ARID5B: variants seen among roughly 807,000 people sequenced by gnomAD.
ARID5B encodes AT-rich interaction domain 5B.
A neutral mutation model predicts 97.2 loss-of-function variants in ARID5B; 13 were observed. The observed-to-expected ratio is 0.13, with a 90% confidence interval of 0.09 to 0.21. The LOEUF is 0.21. ARID5B is among the 10% of genes least tolerant of loss of function. ARID5B has a pLI of 1.00. For synonymous variants in ARID5B, 556 were observed against 570.3 expected, an observed-to-expected ratio of 0.97 and a Z score of 0.36; for missense variants, 1,210 against 1,465.3, an observed-to-expected ratio of 0.83 and a Z score of 2.84.
chr10:62,096,036 T>TA lies in ARID5B; in HGVS notation c.*3013dup, dbSNP rs1262909686. 4.3e-6 allele frequency: 1 copy of TA among 233,046 alleles called. No individual in the cohort carries two copies. The highest frequency in any genetic ancestry group is 6.0e-5 in the East Asian group (1 of 16,540). The allele number at this position is 233,046 out of a possible 1,614,324, so 14.4% of individuals were successfully genotyped here. ...TTTAATGTTTGGCAACTCCACATGA[T>TA]AAAAAAATAAAAACAGCCCAACCGA... On this transcript the variant is annotated 3_prime_UTR_variant, in exon 10 of 10. Transcript: ENST00000279873.
intron 4 of ARID5B, among the ~76,000 whole-genome samples, chr10:62,026,181 A>G (rs1341084127): frequency 2.6e-5 from 4 of 152,216 alleles, no homozygotes; most frequent in Non-Finnish European, 5.9e-5. Flanking sequence ...ACACAACCAT[A>G]TGAAACAACT....
At chr10:61,945,364 A>G (rs777386775) in intron 3 of ARID5B, among the ~76,000 whole-genome samples, 1 of 152,180 alleles carries the variant, frequency 6.6e-6, no homozygotes, top group Non-Finnish European at 1.5e-5. Flanking sequence ...ATACAATGAG[A>G]TTTTCAAATG....
At chr10:62,089,320 G>C (rs1840335350) in intron 9 of ARID5B, among the ~76,000 whole-genome samples, 1 of 151,744 alleles carries the variant, frequency 6.6e-6, no homozygotes, top group East Asian at 1.9e-4. Context: ...TAAAATTCAG[G>C]GTTTTTTTTT....
intron 3 of ARID5B, among the ~76,000 whole-genome samples, chr10:61,964,242 G>A (rs894579125): frequency 2.0e-5 from 3 of 152,088 alleles, no homozygotes; most frequent in African/African-American, 2.4e-5. Flanking sequence ...AACTCCCAAG[G>A]GAAGACCAGA....
At chr10:62,047,921 T>C (rs1839732305) in intron 4 of ARID5B, among the ~76,000 whole-genome samples, 1 of 152,170 alleles carries the variant, frequency 6.6e-6, no homozygotes, top group South Asian at 2.1e-4. Flanking sequence ...CCCAGTCCTT[T>C]GTGTTCCATT....
At chr10:61,989,532 TTAAC>T (rs1298831171) in intron 3 of ARID5B, among the ~76,000 whole-genome samples, 2 of 152,230 alleles carry the variant, frequency 1.3e-5, no homozygotes, top group Non-Finnish European at 2.9e-5. Context: ...AAGATGGTGA[TTAAC>T]TATAATTAGA....
At chr10:62,005,337 A>G (rs1839132907) in intron 4 of ARID5B, among the ~76,000 whole-genome samples, 1 of 152,234 alleles carries the variant, frequency 6.6e-6, no homozygotes, top group African/African-American at 2.4e-5. Flanking sequence ...GGGTAATAAC[A>G]GCCAACTTGC....
At chr10:61,970,272 T>C (rs1420308933) in intron 3 of ARID5B, among the ~76,000 whole-genome samples, 4 of 152,366 alleles carry the variant, frequency 2.6e-5, no homozygotes, top group Middle Eastern at 3.4e-3. Flanking sequence ...ATAATTGTTT[T>C]TCCCTGCTGT....
chr10:62,059,622 C>T (rs1839897901), intron 7 of ARID5B, among the ~76,000 whole-genome samples: 1 of 152,154 alleles, frequency 6.6e-6, no homozygotes, highest in Non-Finnish European at 1.5e-5. Context: ...AGAAATTTCC[C>T]TTGGCAACAT....
At chr10:61,940,125 T>G in intron 2 of ARID5B, 58 bp from the exon 3 acceptor site, 1 of 1,526,926 alleles carries the variant, frequency 6.5e-7, no homozygotes, top group Non-Finnish European at 9.1e-7. Context: ...GGAGAGTGGA[T>G]CATTTCCCTC....
rs568386173 is a variant in ARID5B at position 62,038,219 on chromosome 10, A to C, written c.734-12669A>C. The stretch of plus-strand genomic sequence containing the variant: ...TTTAAATGGTGTTTTTAAAAGATAA[A>C]TACCCAATTGGGTAACTGACTATTA... On this transcript the variant is annotated intron_variant, in intron 4 of 9. Transcript: ENST00000279873. 6.6e-4 allele frequency among the ~76,000 whole-genome samples: 100 copies of C among 152,294 alleles called. 1 individual carries two copies. Among genetic ancestry groups the C allele is most frequent in the Middle Eastern group, 3.4e-3 (1 of 294 alleles).
At chr10:61,966,593 T>G (rs1838548790) in intron 3 of ARID5B, among the ~76,000 whole-genome samples, 1 of 152,180 alleles carries the variant, frequency 6.6e-6, no homozygotes, top group African/African-American at 2.4e-5. Flanking sequence ...ATACCCTGGC[T>G]TTACCACATT....
intron 8 of ARID5B, among the ~76,000 whole-genome samples, chr10:62,075,637 A>AG (rs1276545838): frequency 1.5e-4 from 23 of 152,284 alleles, no homozygotes; most frequent in Non-Finnish European, 3.2e-4. Flanking sequence ...CTTTCACTTC[A>AG]GGTCTTCCTG....
chr10:62,051,203 T>C (rs1839785063), intron 5 of ARID5B: 5 of 643,210 alleles, frequency 7.8e-6, no homozygotes, highest in Non-Finnish European at 1.4e-5. Context: ...AGGTAGGCAT[T>C]TTGATTAGTC....
intron 2 of ARID5B, among the ~76,000 whole-genome samples, chr10:61,926,641 G>A (rs768871482): frequency 2.8e-4 from 42 of 151,786 alleles, no homozygotes; most frequent in Admixed American, 2.6e-3. Context: ...ACAGAGTCTC[G>A]CTCTGTCACC....
At chr10:62,013,794 G>GTATATATATATATATA (rs60930079) in intron 4 of ARID5B, among the ~76,000 whole-genome samples, 36 of 138,948 alleles carry the variant, frequency 2.6e-4, no homozygotes, top group African/African-American at 9.1e-4. Context: ...ATTCCATTGG[G>GTATATATATATATATA]TATATATATA....
intron 3 of ARID5B, among the ~76,000 whole-genome samples, chr10:61,985,545 T>C (rs1164722650): frequency 1.3e-5 from 2 of 152,092 alleles, no homozygotes. Flanking sequence ...AGAAAGTAGA[T>C]GAGTAGTTGC....
intron 2 of ARID5B, among the ~76,000 whole-genome samples, chr10:61,908,464 T>C (rs1272356584): frequency 1.3e-5 from 2 of 151,932 alleles, no homozygotes; most frequent in African/African-American, 4.9e-5. Flanking sequence ...ATTTCTCAGA[T>C]GTTGATTGAA....
Position 61,962,516 on chromosome 10 carries a change from T to C in ARID5B, c.502+22108T>C, listed in dbSNP as rs566725020. On this transcript the variant is annotated intron_variant, in intron 3 of 9. Coordinates refer to ENST00000279873, the MANE Select transcript of ARID5B (RefSeq NM_032199.3). ...GAACATTACATGTGGGTTTGAGAAA[T>C]AGGCCTGGATCATTTGCCAGACAAT... Among the ~76,000 whole-genome samples, 10 of 152,334 alleles carry C rather than the reference T, an allele frequency of 6.6e-5. No homozygotes were observed. The South Asian group carries it at 2.1e-3, about 32-fold the overall frequency.
Sources: allele counts gnomAD v4.1 joint callset (sites outside exome capture counted in the v4.1 genomes callset), GRCh38; gene constraint gnomAD v4.1.1; transcripts MANE v1.5; gene names NCBI Gene and HGNC (gene_info 2026-07-23, HGNC 2026-07-21).